THRB: variants seen among roughly 807,000 people sequenced by gnomAD.
The protein encoded by THRB is nuclear receptor subfamily 1 group A member 2.
A neutral mutation model predicts 47.8 loss-of-function variants in THRB; 12 were observed. The ratio of observed to expected loss-of-function variants is 0.25; its 90% CI spans 0.16 to 0.41. The LOEUF is 0.41. Ranked by LOEUF, THRB falls within the 10% of genes least tolerant of loss-of-function variation. THRB has a pLI of 1.00. For synonymous variants in THRB, 218 were observed against 212.2 expected, an observed-to-expected ratio of 1.03 and a Z score of -0.24; for missense variants, 348 against 589.2, an observed-to-expected ratio of 0.59 and a Z score of 4.24.
At chr3:24,377,577 G>A (rs1213171406) in intron 1 of THRB, among the ~76,000 whole-genome samples, 1 of 152,048 alleles carries the variant, frequency 6.6e-6, no homozygotes, top group East Asian at 1.9e-4. Flanking sequence ...AACCTGATAT[G>A]GTGAAATTCA....
intron 6 of THRB, among the ~76,000 whole-genome samples, chr3:24,151,476 T>G (rs1313874032): frequency 6.6e-6 from 1 of 152,198 alleles, no homozygotes; most frequent in Non-Finnish European, 1.5e-5. Flanking sequence ...GGTTTACATC[T>G]TGATAATTTA....
At position 24,470,607 on chromosome 3, in the gene THRB, T is replaced by C. The variant is rs368567251; in HGVS notation, c.-261+24045A>G. Among the ~76,000 whole-genome samples, 6 of 152,230 alleles carry C rather than the reference T, an allele frequency of 3.9e-5. No homozygotes were observed. In the East Asian group the frequency reaches 5.8e-4, roughly 15 times the overall value. On this transcript the variant is annotated intron_variant, in intron 1 of 10. Coordinates refer to ENST00000646209, the MANE Select transcript of THRB (RefSeq NM_001354712.2). ...GAACTGTGAATCAAAGCCAGGTTTA[T>C]CTGGCTCCAATGTAGAGACTTTTTT...
intron 3 of THRB, among the ~76,000 whole-genome samples, chr3:24,286,725 A>T (rs941022450): frequency 6.6e-5 from 10 of 152,226 alleles, no homozygotes; most frequent in African/African-American, 2.4e-4. Flanking sequence ...GATAAAATAG[A>T]AATTTTATGT....
chr3:24,391,992 AGCAACGCTACT>A lies in THRB; in HGVS notation c.-260-54632_-260-54622del, dbSNP rs1386517545. On this transcript the variant is annotated intron_variant, in intron 1 of 10. Coordinates refer to ENST00000646209, the MANE Select transcript of THRB (RefSeq NM_001354712.2). ...TGGCATGCTCACAATCTGGCTCCAAAGCAACGCTACTTTCTTCTGTGTTCTACTGCCCTCAT... is the reference window on the plus strand; with the variant it reads ...TGGCATGCTCACAATCTGGCTCCAAATTCTTCTGTGTTCTACTGCCCTCAT... Among the ~76,000 whole-genome samples the A allele has an allele frequency of 6.6e-5, 10 of 152,280 alleles. No homozygotes were observed. In the South Asian group the frequency reaches 2.1e-3, roughly 32 times the overall value.
At chr3:24,178,761 G>C (rs986168798) in intron 5 of THRB, among the ~76,000 whole-genome samples, 3 of 152,148 alleles carry the variant, frequency 2.0e-5, no homozygotes, top group Non-Finnish European at 4.4e-5. Context: ...GATAACTAAG[G>C]TCTGCAGCGG....
At chr3:24,219,449 CT>C (rs1228046078) in intron 4 of THRB, among the ~76,000 whole-genome samples, 6 of 152,160 alleles carry the variant, frequency 3.9e-5, no homozygotes, top group Non-Finnish European at 7.3e-5. Flanking sequence ...ATCATTTGAG[CT>C]GGAGAGTTTG....
Position 24,142,783 on chromosome 3 carries a change from C to T in THRB, c.738+718G>A, listed in dbSNP as rs148524053. 2.4e-3 allele frequency among the ~76,000 whole-genome samples: 362 copies of T among 152,238 alleles called. 2 individuals are homozygous for T. The highest frequency in any genetic ancestry group is 8.1e-3 in the African/African-American group (337 of 41,542). ...TTTTAGCAGTGCGATCCTGGGCAAG[C>T]GGCTTAAGGCCTTGGGCTTGGTTTG... On this transcript the variant is annotated intron_variant, in intron 8 of 10. Coordinates refer to ENST00000646209, the MANE Select transcript of THRB (RefSeq NM_001354712.2).
intron 4 of THRB, among the ~76,000 whole-genome samples, chr3:24,203,513 A>T (rs950357833): frequency 4.6e-5 from 7 of 152,226 alleles, no homozygotes; most frequent in African/African-American, 1.4e-4. Context: ...GTTGAGAGAC[A>T]TAAGTTTTGG....
chr3:24,468,443 C>T (rs1467328392), intron 1 of THRB, among the ~76,000 whole-genome samples: 2 of 152,218 alleles, frequency 1.3e-5, no homozygotes, highest in African/African-American at 2.4e-5. Flanking sequence ...ATGCCTTCCT[C>T]ATTAAGTGTA....
chr3:24,308,844 T>G (rs1354345543), intron 2 of THRB, among the ~76,000 whole-genome samples: 1 of 152,212 alleles, frequency 6.6e-6, no homozygotes, highest in Non-Finnish European at 1.5e-5. Context: ...ATGGAATAGG[T>G]GCATGTTCCC....
intron 3 of THRB, among the ~76,000 whole-genome samples, chr3:24,281,848 T>A (rs1393738461): frequency 2.0e-5 from 3 of 151,232 alleles, no homozygotes; most frequent in Non-Finnish European, 2.9e-5. Context: ...AGGCCATTAT[T>A]TAATGGTAAA....
intron 2 of THRB, among the ~76,000 whole-genome samples, chr3:24,324,243 C>T (rs2058668975): frequency 6.6e-6 from 1 of 152,162 alleles, no homozygotes; most frequent in South Asian, 2.1e-4. Context: ...TTTATAGCCT[C>T]CTGTCTTCTC....
chr3:24,418,015 A>T (rs1577420274), intron 1 of THRB, among the ~76,000 whole-genome samples: 1 of 151,848 alleles, frequency 6.6e-6, no homozygotes, highest in Admixed American at 6.6e-5. Flanking sequence ...TATTTGTTTG[A>T]GTTGGAGTAC....
chr3:24,224,024 C>G (rs1052573720), intron 4 of THRB, among the ~76,000 whole-genome samples: 6 of 152,134 alleles, frequency 3.9e-5, no homozygotes, highest in Admixed American at 2.6e-4. Context: ...AAAATTTCTA[C>G]ATTTGGAGGG....
intron 6 of THRB, among the ~76,000 whole-genome samples, 175 bp downstream of exon 6, chr3:24,152,214 CA>C (rs1474157938): frequency 6.6e-6 from 1 of 152,166 alleles, no homozygotes; most frequent in Non-Finnish European, 1.5e-5. Context: ...GAAAAAAATT[CA>C]GTTCTTGAAC....
intron 1 of THRB, among the ~76,000 whole-genome samples, chr3:24,440,739 G>C (rs949757653): frequency 6.6e-6 from 1 of 152,010 alleles, no homozygotes; most frequent in Non-Finnish European, 1.5e-5. Context: ...AGTCTGAGGG[G>C]GTGAAAGGGA....
At chr3:24,431,539 G>A (rs1015473074) in intron 1 of THRB, among the ~76,000 whole-genome samples, 2 of 152,068 alleles carry the variant, frequency 1.3e-5, no homozygotes, top group South Asian at 2.1e-4. Context: ...ACCACTTCTT[G>A]GAGGGAGTGT....
intron 1 of THRB, among the ~76,000 whole-genome samples, chr3:24,400,100 C>G (rs972482826): frequency 6.6e-6 from 1 of 152,056 alleles, no homozygotes; most frequent in African/African-American, 2.4e-5. Flanking sequence ...TTGCTTGAGC[C>G]CTAGGAGTTA....
chr3:24,306,860 A>G (rs1214918980), intron 2 of THRB, among the ~76,000 whole-genome samples: 1 of 152,206 alleles, frequency 6.6e-6, no homozygotes, highest in African/African-American at 2.4e-5. Flanking sequence ...ACTTTCCTAC[A>G]ATTAACTGAT....
Sources: allele counts gnomAD v4.1 joint callset (sites outside exome capture counted in the v4.1 genomes callset), GRCh38; gene constraint gnomAD v4.1.1; transcripts MANE v1.5; gene names NCBI Gene and HGNC (gene_info 2026-07-23, HGNC 2026-07-21).